FRMD5: variants seen among roughly 807,000 people sequenced by gnomAD.
FRMD5 encodes the protein FERM domain-containing protein 5.
A neutral mutation model predicts 69.0 loss-of-function variants in FRMD5; 20 were observed. That is an observed-to-expected ratio of 0.29 (90% CI 0.20 to 0.42). FRMD5 has a LOEUF of 0.42. Ranked by LOEUF, FRMD5 falls within the 10% of genes least tolerant of loss-of-function variation. The pLI, the probability that FRMD5 is intolerant of heterozygous loss-of-function variation, is 1.00. For missense variants in FRMD5, 595 were observed against 708.6 expected, an observed-to-expected ratio of 0.84 and a Z score of 1.82; for synonymous variants, 271 against 260.1, an observed-to-expected ratio of 1.04 and a Z score of -0.40.
rs138851439 is a variant in FRMD5 at position 43,919,301 on chromosome 15, G to T, written c.329+158C>A. ...CTGCACTGAGGGGTACGCGAAGAAA[G>T]CATGTGGAAATGAAATACAGAAGTC... On this transcript the variant is annotated intron_variant, in intron 4 of 13. Coordinates refer to ENST00000417257, the MANE Select transcript of FRMD5 (RefSeq NM_032892.5). 6 of 788,420 alleles carry T rather than the reference G, an allele frequency of 7.6e-6. No individual in the cohort carries two copies. The East Asian group carries it at 1.5e-4, about 19-fold the overall frequency. The allele number at this position is 788,420 out of a possible 1,614,324, so 48.8% of individuals were successfully genotyped here.
intron 1 of FRMD5, among the ~76,000 whole-genome samples, chr15:44,030,673 T>A (rs896769013): frequency 2.6e-5 from 4 of 152,116 alleles, no homozygotes; most frequent in African/African-American, 9.7e-5. Flanking sequence ...CAAAGCTCAG[T>A]GATACCATGG....
At chr15:43,997,869 A>G (rs1457083417) in intron 1 of FRMD5, among the ~76,000 whole-genome samples, 2 of 152,144 alleles carry the variant, frequency 1.3e-5, no homozygotes, top group East Asian at 1.9e-4. Context: ...CAACAAAAAT[A>G]TATGTTCTTC....
At chr15:44,140,287 T>G (rs192625303) in intron 1 of FRMD5, among the ~76,000 whole-genome samples, 1 of 151,940 alleles carries the variant, frequency 6.6e-6, no homozygotes, top group East Asian at 1.9e-4. Flanking sequence ...TAATCATATA[T>G]AGAGAAAATA....
upstream of FRMD5, among the ~76,000 whole-genome samples, chr15:44,195,455 G>A (rs563810770): frequency 6.6e-6 from 1 of 152,314 alleles, no homozygotes; most frequent in South Asian, 2.1e-4. Flanking sequence ...AGTCAAGCCG[G>A]AGCAGCCCTC....
At chr15:44,030,239 G>A (rs1490588903) in intron 1 of FRMD5, among the ~76,000 whole-genome samples, 3 of 152,028 alleles carry the variant, frequency 2.0e-5, no homozygotes, top group Non-Finnish European at 2.9e-5. Context: ...GGGGTGAGGG[G>A]TGAGGGAAGG....
intron 1 of FRMD5, among the ~76,000 whole-genome samples, chr15:44,029,181 A>G (rs1891568082): frequency 6.6e-6 from 1 of 152,244 alleles, no homozygotes; most frequent in African/African-American, 2.4e-5. Flanking sequence ...CCATTTTGGC[A>G]CCAAGCCAAA....
At chr15:43,930,088 C>G (rs1337580653) in intron 1 of FRMD5, among the ~76,000 whole-genome samples, 1 of 152,222 alleles carries the variant, frequency 6.6e-6, no homozygotes, top group Non-Finnish European at 1.5e-5. Flanking sequence ...GTGTGGGGCA[C>G]AAGTGCTAAC....
chr15:43,890,116 C>T (rs561193110), intron 8 of FRMD5, among the ~76,000 whole-genome samples: 1 of 151,498 alleles, frequency 6.6e-6, no homozygotes, highest in South Asian at 2.1e-4. Flanking sequence ...GTTTGATTCC[C>T]TCTCAAACTC....
At position 43,919,792 on chromosome 15, in the gene FRMD5, T is replaced by C; in HGVS notation, c.225A>G (p.Thr75=). The C allele has an allele frequency of 6.2e-7, 1 of 1,614,070 alleles. No individual in the cohort carries two copies. Among genetic ancestry groups the C allele is most frequent in the Non-Finnish European group, 8.5e-7 (1 of 1,179,906 alleles). ...PDKQRHWLEF[T]KSVVKQLRSQ... is the part of the protein sequence containing the mutation. ...ATCTCAATTGTTTCACCACAGACTT[T>C]GTAAATTCCAGCCAATGCTGAAACA... Residue 75 remains threonine (T), a synonymous_variant, in exon 3 of 14, where the codon ACA becomes ACG. Coordinates refer to ENST00000417257, the MANE Select transcript of FRMD5 (RefSeq NM_032892.5).
rs186348444 is a variant in FRMD5 at position 44,110,834 on chromosome 15, G to A, written c.102+84119C>T. 4.6e-5 allele frequency among the ~76,000 whole-genome samples: 7 copies of A among 152,310 alleles called. No individual in the cohort carries two copies. The East Asian group carries it at 9.6e-4, about 21-fold the overall frequency. Reference sequence around the variant, plus strand: ...CCCCATTTGCAAAATGAAGATAATAGTGTGAGAAATTAAATGAGAAAATGT... The same window carrying A: ...CCCCATTTGCAAAATGAAGATAATAATGTGAGAAATTAAATGAGAAAATGT... On this transcript the variant is annotated intron_variant, in intron 1 of 13. Coordinates refer to ENST00000417257, the MANE Select transcript of FRMD5 (RefSeq NM_032892.5).
At chr15:43,969,613 A>G (rs1449256902) in intron 1 of FRMD5, among the ~76,000 whole-genome samples, 1 of 152,224 alleles carries the variant, frequency 6.6e-6, no homozygotes, top group Admixed American at 6.5e-5. Flanking sequence ...TTTGATTCCC[A>G]AAAATTGTCA....
At chr15:43,877,120 C>T (rs1022105098) in intron 13 of FRMD5, among the ~76,000 whole-genome samples, 3 of 152,154 alleles carry the variant, frequency 2.0e-5, no homozygotes, top group Non-Finnish European at 2.9e-5. Context: ...GGCTCAATGT[C>T]TGCATTTTCC....
At chr15:44,125,810 C>A (rs1566959606) in intron 1 of FRMD5, among the ~76,000 whole-genome samples, 1 of 152,196 alleles carries the variant, frequency 6.6e-6, no homozygotes, top group East Asian at 1.9e-4. Context: ...CATCACCAAT[C>A]TTGCCACAGT....
intron 10 of FRMD5, among the ~76,000 whole-genome samples, chr15:43,887,505 C>A (rs2918943): frequency 0.17 from 26,073 of 152,252 alleles, 2,651 homozygotes; most frequent in African/African-American, 0.26. Context: ...TTCAGTGAAT[C>A]CTTGGTTCTG....
intron 1 of FRMD5, among the ~76,000 whole-genome samples, chr15:44,014,778 G>A (rs1890881885): frequency 6.6e-6 from 1 of 152,002 alleles, no homozygotes; most frequent in Non-Finnish European, 1.5e-5. Flanking sequence ...CCTACCTCAA[G>A]AGTTGTTAGG....
chr15:44,188,069 T>C (rs1388049331), intron 1 of FRMD5, among the ~76,000 whole-genome samples: 3 of 152,188 alleles, frequency 2.0e-5, no homozygotes, highest in Non-Finnish European at 4.4e-5. Flanking sequence ...TTGTAAGCCC[T>C]TCGACAACAG....
chr15:44,135,254 T>C (rs1467189372), intron 1 of FRMD5, among the ~76,000 whole-genome samples: 2 of 152,190 alleles, frequency 1.3e-5, no homozygotes, highest in Non-Finnish European at 2.9e-5. Flanking sequence ...TAAATGTTTT[T>C]CTAAGTTTTC....
chr15:43,915,176 G>C (rs1173067833), intron 4 of FRMD5, among the ~76,000 whole-genome samples: 1 of 152,168 alleles, frequency 6.6e-6, no homozygotes, highest in Non-Finnish European at 1.5e-5. Context: ...GCAAACTACA[G>C]CCCACTGCCA....
chr15:43,965,008 T>G (rs552041490), intron 1 of FRMD5, among the ~76,000 whole-genome samples: 6 of 152,162 alleles, frequency 3.9e-5, no homozygotes, highest in Non-Finnish European at 5.9e-5. Flanking sequence ...TGGTTTGGAT[T>G]GAAGGGAAGT....
Sources: gnomAD v4.1 joint callset for allele counts (sites outside exome capture counted in the v4.1 genomes callset) on GRCh38, gnomAD v4.1.1 for gene constraint, MANE v1.5 for transcripts, NCBI Gene and HGNC (gene_info 2026-07-23, HGNC 2026-07-21) for gene names.